The following ANKRD53 variants were observed in gnomAD, a reference collection of about 807,000 sequenced individuals.
The protein encoded by ANKRD53 is ankyrin repeat domain 53.
A neutral mutation model predicts 30.1 loss-of-function variants in ANKRD53; 27 were observed. The ratio of observed to expected loss-of-function variants is 0.90; its 90% CI spans 0.66 to 1.24. The LOEUF (loss-of-function observed/expected upper bound fraction) is 1.24, where lower values mean the gene tolerates loss of function less well. Ranked by LOEUF, ANKRD53 falls within the 50% of genes most tolerant of loss-of-function variation. The probability of loss-of-function intolerance (pLI) is 0.00; values close to 1 mark genes in which losing one functional copy is unlikely to be tolerated. For missense variants in ANKRD53, 682 were observed against 721.0 expected, an observed-to-expected ratio of 0.95 and a Z score of 0.62; for synonymous variants, 286 against 295.4, an observed-to-expected ratio of 0.97 and a Z score of 0.33.
intron 5 of ANKRD53, among the ~76,000 whole-genome samples, chr2:70,983,827 G>A (rs1670084810): frequency 6.6e-6 from 1 of 152,214 alleles, no homozygotes. Flanking sequence ...AAGGTCTGAT[G>A]GAATTATGAT....
intron 5 of ANKRD53, chr2:70,984,392 G>C: frequency 1.3e-6 from 2 of 1,561,830 alleles, no homozygotes; most frequent in African/African-American, 1.4e-5. Context: ...ACTCAGCCCA[G>C]GGGCTCCCTT....
Position 70,978,911 on chromosome 2 carries a change from C to T in ANKRD53, c.170+96C>T. 6.9e-7 allele frequency: 1 copy of T among 1,457,934 alleles called. No individual in the cohort carries two copies. Among genetic ancestry groups the T allele is most frequent in the Non-Finnish European group, 9.1e-7 (1 of 1,102,486 alleles). 90.3% of individuals were successfully genotyped at this position (1,457,934 alleles called of 1,614,324 possible). A position where few individuals can be genotyped will look rare whatever the true frequency, so the allele number is the denominator to read the frequency against. On this transcript the variant is annotated intron_variant, in intron 1 of 5. Transcript: ENST00000360589. The surrounding 1 kb of genome is among the most constrained non-coding windows in gnomAD (Gnocchi z 4.3). ...GGCCTGGAGCGGGCGGGGGCGGAGG[C>T]TGCGGCCCGAGAAGCCAGCAGAGAC...
chr2:70,978,585 G>A, upstream of ANKRD53: 2 of 1,420,776 alleles, frequency 1.4e-6, no homozygotes, highest in Non-Finnish European at 1.8e-6. The surrounding 1 kb of genome is among the most constrained non-coding windows in gnomAD (Gnocchi z 4.3). Flanking sequence ...GCCCCCGGGG[G>A]CGGGGCGCCG....
upstream of ANKRD53, chr2:70,978,564 G>T: frequency 7.2e-7 from 1 of 1,390,834 alleles, no homozygotes; most frequent in Non-Finnish European, 9.3e-7. This position sits in a 1 kb window ranked among gnomAD's most constrained non-coding sequence, Gnocchi z 4.3. Context: ...GCGGCCAGCT[G>T]GCAAGGAGTG....
At position 70,985,071 on chromosome 2, in the gene ANKRD53, T is replaced by C. The variant is rs1670142885; in HGVS notation, c.1364T>C (p.Leu455Pro). 1.3e-6 allele frequency: 2 copies of C among 1,550,478 alleles called. No individual in the cohort carries two copies. Among genetic ancestry groups the C allele is most frequent in the African/African-American group, 1.4e-5 (1 of 73,192 alleles). ...APVPRLPFEV[L>P]LRMLYPRVWP... is the part of the protein sequence containing the mutation. ...GTGCCGCGGCTGCCTTTTGAGGTGC[T>C]GCTGCGCATGCTGTACCCACGTGTA... The change falls in exon 6 of 6, where the codon CTG becomes CCG. Residue 455 changes from leucine to proline, a missense_variant. Physicochemically the swap from Leu to Pro is moderately conservative, Grantham distance 98. Coordinates refer to ENST00000360589, the MANE Select transcript of ANKRD53 (RefSeq NM_001115116.2).
At chr2:70,979,043 G>T in intron 1 of ANKRD53, 54 bp from the exon 2 acceptor site, 1 of 1,490,556 alleles carries the variant, frequency 6.7e-7, no homozygotes, top group Non-Finnish European at 8.9e-7. Flanking sequence ...ATCGCCTCCC[G>T]AGAGGTGCCC....
upstream of ANKRD53, chr2:70,978,597 C>T: frequency 7.0e-7 from 1 of 1,434,996 alleles, no homozygotes. This position sits in a 1 kb window ranked among gnomAD's most constrained non-coding sequence, Gnocchi z 4.3. Context: ...GGGGCGCCGG[C>T]GGGTGTGTGA....
At position 70,978,761 on chromosome 2, in the gene ANKRD53, C is replaced by T; in HGVS notation, c.116C>T (p.Ala39Val). The change falls in exon 1 of 6, where the codon GCG becomes GTG. Residue 39 changes from alanine to valine, a missense_variant. Ala to Val is a moderately conservative substitution (Grantham distance 64). Coordinates refer to ENST00000360589, the MANE Select transcript of ANKRD53 (RefSeq NM_001115116.2). This position sits in a 1 kb window ranked among gnomAD's most constrained non-coding sequence, Gnocchi z 4.3. Reference protein sequence around the residue: ...QPTPSGSMQQANKVSLKATWT... With the variant: ...QPTPSGSMQQVNKVSLKATWT... The stretch of plus-strand genomic sequence containing the variant: ...ACTCCAAGTGGCTCCATGCAGCAGG[C>T]GAACAAAGTCTCCTTGAAGGCCACC... The T allele has an allele frequency of 6.4e-7, 1 of 1,569,238 alleles. No individual in the cohort carries two copies. The highest frequency in any genetic ancestry group is 8.6e-7 in the Non-Finnish European group (1 of 1,157,712).
rs1387936274 is a variant in ANKRD53, at chr2:70,978,780, G to C, written c.135G>C (p.Lys45Asn). Residue 45 changes from lysine (K) to asparagine (N), a missense_variant, in exon 1 of 6, where the codon AAG becomes AAC. Physicochemically the swap from Lys to Asn is moderately conservative, Grantham distance 94. Coordinates refer to ENST00000360589, the MANE Select transcript of ANKRD53 (RefSeq NM_001115116.2). The surrounding 1 kb of genome is among the most constrained non-coding windows in gnomAD (Gnocchi z 4.3). ...SMQQANKVSL[K>N]ATWTDAESKQ... ...AGCAGGCGAACAAAGTCTCCTTGAA[G>C]GCCACCTGGACTGACGCGGAGTCCA... is the stretch of plus-strand genomic sequence containing the variant. 1.0e-5 allele frequency: 16 copies of C among 1,572,232 alleles called. No homozygotes were observed. The highest frequency in any genetic ancestry group is 1.2e-5 in the Non-Finnish European group (14 of 1,159,830).
rs374178962 is a variant in ANKRD53 at position 70,978,665 on chromosome 2, C to T, written c.20C>T (p.Thr7Ile). 214 of 1,542,520 alleles carry T rather than the reference C, an allele frequency of 1.4e-4. 2 individuals carry two copies. The African/African-American group carries it at 2.7e-3, about 19-fold the overall frequency. The stretch of plus-strand genomic sequence containing the variant: ...CCCGCGATGGCCTCCGCGGGCAGCA[C>T]CGCTCGGCGGGCGGGCTCCGGAAGC... Reference protein sequence around the residue: MASAGSTARRAGSGSWH... With the variant: MASAGSIARRAGSGSWH... Residue 7 changes from threonine to isoleucine, a missense_variant, in exon 1 of 6, where the codon ACC becomes ATC. Coordinates refer to ENST00000360589, the MANE Select transcript of ANKRD53 (RefSeq NM_001115116.2). This position sits in a 1 kb window ranked among gnomAD's most constrained non-coding sequence, Gnocchi z 4.3.
rs1670141460 is a variant in ANKRD53 at position 70,985,040 on chromosome 2, G to A, written c.1333G>A (p.Ala445Thr). 1 of 1,549,698 alleles carries A rather than the reference G, an allele frequency of 6.5e-7. No homozygotes were observed. Among genetic ancestry groups the A allele is most frequent in the Non-Finnish European group, 8.7e-7 (1 of 1,146,906 alleles). The change falls in exon 6 of 6, where the codon GCG becomes ACG. Residue 445 changes from alanine (A) to threonine (T), a missense_variant. By Grantham distance (58) the Ala-to-Thr change is moderately conservative. Transcript: ENST00000360589. Reference protein sequence around the residue: ...RLHTVDGHWVAPVPRLPFEVL... With the variant: ...RLHTVDGHWVTPVPRLPFEVL... ...GCACACAGTGGACGGCCACTGGGTG[G>A]CGCCCGTGCCGCGGCTGCCTTTTGA...
Position 70,985,132 on chromosome 2 carries a change from C to T in ANKRD53, c.1425C>T (p.Tyr475=). The T allele has an allele frequency of 6.4e-7, 1 of 1,551,192 alleles. No individual in the cohort carries two copies. Among genetic ancestry groups the T allele is most frequent in the South Asian group, 1.2e-5 (1 of 84,030 alleles). The part of the protein sequence containing the change: ...PYRMKVPQGF[Y]PISMREVPRK... ...GAATGAAGGTGCCCCAGGGCTTTTA[C>T]CCCATCAGCATGAGGGAAGTGCCCA... Residue 475 remains tyrosine, a synonymous_variant, in exon 6 of 6, where the codon TAC becomes TAT. Transcript: ENST00000360589.
intron 3 of ANKRD53, 84 bp downstream of exon 3, chr2:70,979,944 A>G (rs1441220077): frequency 1.1e-5 from 17 of 1,501,998 alleles, no homozygotes; most frequent in Non-Finnish European, 1.6e-5. Flanking sequence ...TCCATGCAGG[A>G]CAAGCAGAGG....
rs188261689 is a variant in ANKRD53, at chr2:70,985,425, G to T, written c.*125G>T. The T allele has an allele frequency of 1.2e-4, 99 of 860,828 alleles. No individual in the cohort carries two copies. The East Asian group carries it at 2.5e-3, about 22-fold the overall frequency. The allele number at this position is 860,828 out of a possible 1,614,324, so 53.3% of individuals were successfully genotyped here. Reference sequence around the variant, plus strand: ...GGCTTCCCACTCCCAAGCTCGAGGAGTCACCCTTCCCAATCAAAAGCCCAG... The same window carrying T: ...GGCTTCCCACTCCCAAGCTCGAGGATTCACCCTTCCCAATCAAAAGCCCAG... On this transcript the variant is annotated 3_prime_UTR_variant, in exon 6 of 6. Coordinates refer to ENST00000360589, the MANE Select transcript of ANKRD53 (RefSeq NM_001115116.2).
In ANKRD53 at chr2:70,982,137, C is replaced by T. The variant is rs199939059; in HGVS notation, c.782+37C>T. On this transcript the variant is annotated intron_variant, in intron 4 of 5. Coordinates refer to ENST00000360589, the MANE Select transcript of ANKRD53 (RefSeq NM_001115116.2). The surrounding 1 kb of genome is among the most constrained non-coding windows in gnomAD (Gnocchi z 4.2). Reference sequence around the variant, plus strand: ...AGAACCACCTGGAGCCTGCCCACCCCCTTCCCCTCCCCCAGCCTTTTCCCT... The same window carrying T: ...AGAACCACCTGGAGCCTGCCCACCCTCTTCCCCTCCCCCAGCCTTTTCCCT... The T allele has an allele frequency of 2.5e-5, 39 of 1,557,540 alleles. No homozygotes were observed. The African/African-American group carries it at 4.5e-4, about 18-fold the overall frequency.
In ANKRD53 at chr2:70,982,936, G is replaced by A. The variant is rs372016119; in HGVS notation, c.903+239G>A. 8.5e-5 allele frequency among the ~76,000 whole-genome samples: 13 copies of A among 152,308 alleles called. No individual in the cohort carries two copies. The highest frequency in any genetic ancestry group is 1.2e-4 in the Non-Finnish European group (8 of 68,022). The stretch of plus-strand genomic sequence containing the variant: ...AGCCAATTTAAGCAAGCTTAAATTC[G>A]CAAGTATTTCTGGGCCCCTCCTAGT... On this transcript the variant is annotated intron_variant, in intron 5 of 5. Transcript: ENST00000360589. This position sits in a 1 kb window ranked among gnomAD's most constrained non-coding sequence, Gnocchi z 4.2.
rs377019890 is a variant in ANKRD53, at chr2:70,979,359, T to C, written c.417+16T>C. On this transcript the variant is annotated intron_variant, in intron 2 of 5. Coordinates refer to ENST00000360589, the MANE Select transcript of ANKRD53 (RefSeq NM_001115116.2). The stretch of plus-strand genomic sequence containing the variant: ...CGACGACAAGGTAAGGTCTTGAGTG[T>C]TGGGGCAAAGACCGAGGTCCCTCTC... 213 of 1,613,006 alleles carry C rather than the reference T, an allele frequency of 1.3e-4. No individual in the cohort carries two copies. Among genetic ancestry groups the C allele is most frequent in the African/African-American group, 9.2e-4 (69 of 75,036 alleles).
Position 70,982,280 on chromosome 2 carries a change from G to T in ANKRD53, c.782+180G>T, listed in dbSNP as rs1670035758. ...CAATCACCTCATCACCTGGGCTTGG[G>T]GGTAAGTCTGCCCAGGTCCCCTGCT... On this transcript the variant is annotated intron_variant, in intron 4 of 5. Transcript: ENST00000360589. This position sits in a 1 kb window ranked among gnomAD's most constrained non-coding sequence, Gnocchi z 4.2. 2 of 816,334 alleles carry T rather than the reference G, an allele frequency of 2.4e-6. No homozygotes were observed. The highest frequency in any genetic ancestry group is 3.7e-6 in the Non-Finnish European group (2 of 539,396). The allele number at this position is 816,334 out of a possible 1,614,324, so 50.6% of individuals were successfully genotyped here.
At chr2:70,979,076 C>T (rs368036625) in intron 1 of ANKRD53, 21 bp from the exon 2 acceptor site, 21 of 1,522,626 alleles carry the variant, frequency 1.4e-5, no homozygotes, top group African/African-American at 8.3e-5. Context: ...AGAGTCGCTT[C>T]CCCACTGCCC....
Sources: allele counts gnomAD v4.1 joint callset (sites outside exome capture counted in the v4.1 genomes callset), GRCh38; gene constraint gnomAD v4.1.1; non-coding constraint Gnocchi (gnomAD v3.1); transcripts MANE v1.5; gene names NCBI Gene and HGNC (gene_info 2026-07-23, HGNC 2026-07-21).